The following PSMA6 variants were observed in gnomAD, a reference collection of about 807,000 sequenced individuals.
PSMA6 encodes proteasome subunit alpha type-6.
For synonymous variants in PSMA6, 88 were observed against 97.7 expected (o/e 0.90, Z 0.59); for missense variants, 170 against 294.8 (o/e 0.58, Z 3.10).
intron 3 of PSMA6, 119 bp downstream of exon 3, chr14:35,309,114 G>T (rs183529747): frequency 6.6e-6 from 5 of 752,780 alleles, no homozygotes; most frequent in Non-Finnish European, 1.1e-5. Context: ...CAAGTGCCAT[G>T]AGTGGATTTG....
intron 1 of PSMA6, among the ~76,000 whole-genome samples, chr14:35,294,389 G>A (rs932304317): frequency 2.6e-5 from 4 of 152,184 alleles, no homozygotes; most frequent in African/African-American, 9.6e-5. Flanking sequence ...GCTATTCAGG[G>A]CATTAATTAG....
At chr14:35,285,642 T>C (rs1380864067) in intron 1 of PSMA6, among the ~76,000 whole-genome samples, 1 of 152,240 alleles carries the variant, frequency 6.6e-6, no homozygotes, top group Non-Finnish European at 1.5e-5. Flanking sequence ...TTGAGTCTTA[T>C]TTCCTCTCTG....
upstream of PSMA6, among the ~76,000 whole-genome samples, chr14:35,288,353 C>T (rs142788871): frequency 7.4e-4 from 113 of 152,320 alleles, 1 homozygote; most frequent in Middle Eastern, 0.01. Flanking sequence ...CAAAAATTAG[C>T]CAGGCGTGGT....
chr14:35,281,642 C>A (rs948524954), intron 1 of PSMA6, among the ~76,000 whole-genome samples: 1 of 152,230 alleles, frequency 6.6e-6, no homozygotes, highest in African/African-American at 2.4e-5. Flanking sequence ...TCACACTCAG[C>A]AGACTTAACT....
intron 1 of PSMA6, among the ~76,000 whole-genome samples, chr14:35,295,893 G>T (rs2051577897): frequency 6.6e-6 from 1 of 152,218 alleles, no homozygotes; most frequent in South Asian, 2.1e-4. Context: ...ATTGTAGGGG[G>T]AATGGGACTG....
intron 1 of PSMA6, among the ~76,000 whole-genome samples, chr14:35,279,992 G>T (rs1361526437): frequency 1.3e-5 from 2 of 151,850 alleles, no homozygotes; most frequent in Non-Finnish European, 2.9e-5. Context: ...AGGCGTGGTG[G>T]CAGGTGCCTG....
intron 6 of PSMA6, chr14:35,314,732 C>A: frequency 1.0e-5 from 2 of 196,076 alleles, no homozygotes; most frequent in Admixed American, 6.6e-5. Flanking sequence ...AAAAAATTAG[C>A]ATAAGTGTTT....
intron 4 of PSMA6, chr14:35,312,610 G>C: frequency 2.5e-6 from 1 of 397,744 alleles, no homozygotes; most frequent in Non-Finnish European, 4.4e-6. Context: ...TAACAGCAAG[G>C]ATTGGAAACA....
chr14:35,292,339 T>G, upstream of PSMA6: 1 of 1,507,310 alleles, frequency 6.6e-7, no homozygotes, highest in Non-Finnish European at 8.9e-7. Flanking sequence ...TCCAGAGCCG[T>G]GAGTTCGGCA....
rs780557493 is a variant in PSMA6, at chr14:35,314,432, G to A, written c.660G>A (p.Val220=). 11 of 1,611,382 alleles carry A rather than the reference G, an allele frequency of 6.8e-6. 1 individual carries two copies. Among genetic ancestry groups the A allele is most frequent in the Non-Finnish European group, 9.3e-6 (11 of 1,178,332 alleles). The change falls in exon 6 of 7, where the codon GTG becomes GTA. Residue 220 remains valine (V), a synonymous_variant. Transcript: ENST00000261479. The part of the protein sequence containing the change: ...FKPSEIEVGV[V]TVENPKFRIL... Reference sequence around the variant, plus strand: ...CTTCAGAAATAGAAGTTGGAGTAGTGACAGTTGAAAATCCTAAATTCAGGT... The same window carrying A: ...CTTCAGAAATAGAAGTTGGAGTAGTAACAGTTGAAAATCCTAAATTCAGGT...
intron 1 of PSMA6, among the ~76,000 whole-genome samples, chr14:35,281,126 CCT>C (rs2051362205): frequency 6.6e-6 from 1 of 152,180 alleles, no homozygotes; most frequent in African/African-American, 2.4e-5. Context: ...CCCTACCCTG[CCT>C]CTCAAAGCAT....
At chr14:35,288,127 T>A (rs889799003), upstream of PSMA6, among the ~76,000 whole-genome samples, 11 of 152,228 alleles carry the variant, frequency 7.2e-5, no homozygotes, top group African/African-American at 2.7e-4. Flanking sequence ...ACAGTGAGAA[T>A]GCATATTCAA....
At chr14:35,307,358 A>G (rs1383725253) in intron 1 of PSMA6, among the ~76,000 whole-genome samples, 2 of 152,248 alleles carry the variant, frequency 1.3e-5, no homozygotes, top group Non-Finnish European at 2.9e-5. Context: ...GGAAAACCAG[A>G]CTTAGAAATA....
intron 1 of PSMA6, among the ~76,000 whole-genome samples, chr14:35,284,868 T>C (rs1200939983): frequency 6.6e-6 from 1 of 152,242 alleles, no homozygotes; most frequent in Non-Finnish European, 1.5e-5. Context: ...GTAACTGGGA[T>C]AAAACTTGCT....
upstream of PSMA6, chr14:35,292,300 G>A: frequency 7.0e-7 from 1 of 1,423,410 alleles, no homozygotes; most frequent in Non-Finnish European, 9.2e-7. Flanking sequence ...TTAGGGGGCG[G>A]GGCCTCAGAG....
At chr14:35,314,870 A>C (rs1251615396) in intron 6 of PSMA6, 1 of 154,298 alleles carries the variant, frequency 6.5e-6, no homozygotes, top group African/African-American at 2.4e-5. Flanking sequence ...TGAGTTACTG[A>C]TATATGTCAG....
Position 35,310,623 on chromosome 14 carries a change from C to G in PSMA6, c.254-117C>G, listed in dbSNP as rs951931292. On this transcript the variant is annotated intron_variant, in intron 3 of 6. Coordinates refer to ENST00000261479, the MANE Select transcript of PSMA6 (RefSeq NM_002791.3). Reference sequence around the variant, plus strand: ...GGGGGAGAAAAAGCCGTAGCGGACCCTTTCTCTTTAACTCATGTATGTCTA... The same window carrying G: ...GGGGGAGAAAAAGCCGTAGCGGACCGTTTCTCTTTAACTCATGTATGTCTA... 7.2e-6 allele frequency: 7 copies of G among 976,410 alleles called. No individual in the cohort carries two copies. The African/African-American group carries it at 1.0e-4, about 14-fold the overall frequency. 60.5% of individuals were successfully genotyped at this position (976,410 alleles called of 1,614,324 possible). A position where few individuals can be genotyped will look rare whatever the true frequency, so the allele number is the denominator to read the frequency against.
intron 5 of PSMA6, 39 bp downstream of exon 5, chr14:35,313,098 A>G (rs548669296): frequency 1.1e-5 from 17 of 1,486,372 alleles, no homozygotes; most frequent in Admixed American, 7.7e-5. Flanking sequence ...TTTATGCTAT[A>G]TAGAACAGTG....
At chr14:35,278,614 G>A (rs547989528), upstream of PSMA6, 81 of 1,417,058 alleles carry the variant, frequency 5.7e-5, no homozygotes, top group South Asian at 9.9e-5. Context: ...CCATCCATGC[G>A]GCTCTGCTGG....
Sources: gnomAD v4.1 joint callset for allele counts (sites outside exome capture counted in the v4.1 genomes callset) on GRCh38, gnomAD v4.1.1 for gene constraint, MANE v1.5 for transcripts, NCBI Gene and HGNC (gene_info 2026-07-23, HGNC 2026-07-21) for gene names.